LAMB3: variants seen among roughly 807,000 people sequenced by gnomAD.
LAMB3 encodes laminin subunit beta 3.
A neutral mutation model predicts 140.3 loss-of-function variants in LAMB3; 104 were observed. The ratio of observed to expected loss-of-function variants is 0.74; its 90% CI spans 0.63 to 0.87. The LOEUF (loss-of-function observed/expected upper bound fraction) is 0.87, where lower values mean the gene tolerates loss of function less well. Among genes scored for constraint, LAMB3 ranks in the 40% least tolerant of loss-of-function variants. LAMB3 has a pLI of 0.00. For missense variants in LAMB3, 1,531 were observed against 1,575.2 expected, an observed-to-expected ratio of 0.97 and a Z score of 0.47; for synonymous variants, 592 against 602.9, an observed-to-expected ratio of 0.98 and a Z score of 0.26.
chr1:209,630,293 A>G (rs1003883141), intron 9 of LAMB3, among the ~76,000 whole-genome samples: 4 of 152,128 alleles, frequency 2.6e-5, no homozygotes, highest in African/African-American at 7.2e-5. Flanking sequence ...TTCCTCATTT[A>G]TGTAAACAAA....
chr1:209,651,841 G>C (rs2076568652), intron 1 of LAMB3, among the ~76,000 whole-genome samples: 1 of 150,670 alleles, frequency 6.6e-6, no homozygotes, highest in Admixed American at 6.6e-5. Flanking sequence ...AACTCTTTTG[G>C]CTGGGGTGGA....
In LAMB3 at chr1:209,615,314, T is replaced by G; in HGVS notation, c.3476A>C (p.Asp1159Ala). The G allele has an allele frequency of 6.2e-7, 1 of 1,614,134 alleles. No homozygotes were observed. Among genetic ancestry groups the G allele is most frequent in the Non-Finnish European group, 8.5e-7 (1 of 1,180,000 alleles). Residue 1159 changes from aspartate (D) to alanine (A), a missense_variant, in exon 23 of 23, where the codon GAC becomes GCC. Asp to Ala is a moderately radical substitution (Grantham distance 126). Transcript: ENST00000356082. ...GTAGAGCACGCGCCCATTGATGTGG[T>G]CACGGATCTGCTCCACACGCTTCTC... ...GLEKRVEQIR[D>A]HINGRVLYYA... is the part of the protein sequence containing the mutation.
chr1:209,629,287 T>C (rs903888151), intron 10 of LAMB3, among the ~76,000 whole-genome samples: 1 of 152,238 alleles, frequency 6.6e-6, no homozygotes, highest in Non-Finnish European at 1.5e-5. Flanking sequence ...CTAGAGGATG[T>C]GAGAAATAAT....
rs750788587 is a variant in LAMB3 at position 209,626,923 on chromosome 1, G to T, written c.1541C>A (p.Ala514Glu). ...CCGGTCTGGACACTGGCGGATGGCT[G>T]CAGCGCTGCACATCAGGCCACCAAA... is the stretch of plus-strand genomic sequence containing the variant. ...EGFGGLMCSA[A>E]AIRQCPDRTY... is the part of the protein sequence containing the mutation. Residue 514 changes from alanine (A) to glutamate (E), a missense_variant, in exon 13 of 23, where the codon GCA becomes GAA. Transcript: ENST00000356082. 1 of 1,613,832 alleles carries T rather than the reference G, an allele frequency of 6.2e-7. No individual in the cohort carries two copies. The highest frequency in any genetic ancestry group is 2.2e-5 in the East Asian group (1 of 44,878).
intron 9 of LAMB3, among the ~76,000 whole-genome samples, 169 bp from the exon 10 acceptor site, chr1:209,630,094 T>C (rs2102429423): frequency 6.6e-6 from 1 of 152,324 alleles, no homozygotes; most frequent in South Asian, 2.1e-4. Context: ...TAAGGTTACA[T>C]GACCAATAAG....
In LAMB3 at chr1:209,622,530, G is replaced by T. The variant is rs774189639; in HGVS notation, c.2701+6C>A. 6 of 1,613,472 alleles carry T rather than the reference G, an allele frequency of 3.7e-6. No individual in the cohort carries two copies. In the East Asian group the frequency reaches 1.1e-4, roughly 30 times the overall value. On this transcript the variant is annotated splice_donor_region_variant and intron_variant, in intron 18 of 22. Coordinates refer to ENST00000356082, the MANE Select transcript of LAMB3 (RefSeq NM_000228.3). ...GCAGCCAAGGTGGGGTGGAGACTGG[G>T]CTCACCTGTTAGGAAGTCCCGGACC...
chr1:209,625,100 C>T (rs1666382226), intron 14 of LAMB3, among the ~76,000 whole-genome samples: 1 of 152,270 alleles, frequency 6.6e-6, no homozygotes, highest in South Asian at 2.1e-4. Context: ...TCTCAGGCTG[C>T]CTTTTCCTTC....
Position 209,623,748 on chromosome 1 carries a change from T to A in LAMB3, c.2138-23A>T, listed in dbSNP as rs570151664. On this transcript the variant is annotated intron_variant, in intron 15 of 22. Coordinates refer to ENST00000356082, the MANE Select transcript of LAMB3 (RefSeq NM_000228.3). This position sits in a 1 kb window ranked among gnomAD's most constrained non-coding sequence, Gnocchi z 4.2. ...CTCCTGTGGCGAGAAGCATGAGGAA[T>A]GGAGATGGAGGAGGAGCAGGAGGGA... is the stretch of plus-strand genomic sequence containing the variant. 3 of 1,613,722 alleles carry A rather than the reference T, an allele frequency of 1.9e-6. No homozygotes were observed. In the Admixed American group the frequency reaches 5.0e-5, roughly 27 times the overall value.
intron 3 of LAMB3, among the ~76,000 whole-genome samples, chr1:209,641,098 AT>A (rs1478650021): frequency 1.3e-4 from 15 of 111,650 alleles, no homozygotes; most frequent in African/African-American, 3.2e-4. Context: ...AAAAAAAAAA[AT>A]TTAAAAAAAA....
At position 209,623,764 on chromosome 1, in the gene LAMB3, G is replaced by A. The variant is rs1666306795; in HGVS notation, c.2138-39C>T. 1 of 1,613,392 alleles carries A rather than the reference G, an allele frequency of 6.2e-7. No individual in the cohort carries two copies. Among genetic ancestry groups the A allele is most frequent in the Non-Finnish European group, 8.5e-7 (1 of 1,179,504 alleles). On this transcript the variant is annotated intron_variant, in intron 15 of 22. Transcript: ENST00000356082. This position sits in a 1 kb window ranked among gnomAD's most constrained non-coding sequence, Gnocchi z 4.2. Reference sequence around the variant, plus strand: ...CATGAGGAATGGAGATGGAGGAGGAGCAGGAGGGAGAGGGGGTGGCATGCC... The same window carrying A: ...CATGAGGAATGGAGATGGAGGAGGAACAGGAGGGAGAGGGGGTGGCATGCC...
rs965895554 is a variant in LAMB3 at position 209,643,710 on chromosome 1, T to C, written c.184-5062A>G. ...AGAATAGGAAAACAGGCTCTGATTA[T>C]GCATGGCCCAGCTCCCTCCCATGAG... On this transcript the variant is annotated intron_variant, in intron 3 of 22. Transcript: ENST00000356082. Among the ~76,000 whole-genome samples, 4 of 152,066 alleles carry C rather than the reference T, an allele frequency of 2.6e-5. No individual in the cohort carries two copies. In the East Asian group the frequency reaches 7.7e-4, roughly 29 times the overall value.
intron 9 of LAMB3, 25 bp downstream of exon 9, chr1:209,630,590 G>A: frequency 1.9e-6 from 3 of 1,614,060 alleles, no homozygotes; most frequent in East Asian, 2.2e-5. Context: ...GACCCTACAG[G>A]GGAGGGGTGA....
intron 4 of LAMB3, 136 bp from the exon 5 acceptor site, chr1:209,638,117 G>T (rs1235008682): frequency 4.0e-6 from 3 of 742,258 alleles, no homozygotes; most frequent in Non-Finnish European, 7.1e-6. Flanking sequence ...TCTTGGAGAG[G>T]AGTGGGGAGT....
intron 22 of LAMB3, among the ~76,000 whole-genome samples, chr1:209,616,027 C>T (rs1247556597): frequency 6.6e-6 from 1 of 152,124 alleles, no homozygotes; most frequent in Non-Finnish European, 1.5e-5. Context: ...TTCCTCACAG[C>T]TTCTCCCAGG....
chr1:209,614,986 T>C lies in LAMB3; in HGVS notation c.*285A>G. 1 of 414,228 alleles carries C rather than the reference T, an allele frequency of 2.4e-6. No individual in the cohort carries two copies. Among genetic ancestry groups the C allele is most frequent in the Non-Finnish European group, 4.3e-6 (1 of 229,906 alleles). The allele number at this position is 414,228 out of a possible 1,614,324, so 25.7% of individuals were successfully genotyped here. ...CCAGGATTCCTCCCCAGTGGAGAAC[T>C]AAAGGCGGGGGATACTGCCCAGCCC... On this transcript the variant is annotated 3_prime_UTR_variant, in exon 23 of 23. Transcript: ENST00000356082.
At chr1:209,641,921 T>C (rs1365082488) in intron 3 of LAMB3, among the ~76,000 whole-genome samples, 2 of 152,156 alleles carry the variant, frequency 1.3e-5, no homozygotes, top group Non-Finnish European at 1.5e-5. Flanking sequence ...ACTCAGCACA[T>C]GTCCTGAGGA....
At chr1:209,639,393 G>A (rs2236894) in intron 3 of LAMB3, among the ~76,000 whole-genome samples, 1 of 151,976 alleles carries the variant, frequency 6.6e-6, no homozygotes, top group Non-Finnish European at 1.5e-5. Flanking sequence ...CATCTGGGGC[G>A]TGAGGATCTT....
chr1:209,627,707 G>C, intron 11 of LAMB3, 128 bp from the exon 12 acceptor site: 1 of 907,728 alleles, frequency 1.1e-6, no homozygotes, highest in Non-Finnish European at 1.7e-6. Flanking sequence ...CAGATGACAT[G>C]GCTGACTCAC....
chr1:209,642,239 A>G (rs537357886), intron 3 of LAMB3, among the ~76,000 whole-genome samples: 1 of 152,076 alleles, frequency 6.6e-6, no homozygotes, highest in Non-Finnish European at 1.5e-5. Flanking sequence ...TCTCAAATAT[A>G]TGTGTGTGTG....
Sources: allele counts gnomAD v4.1 joint callset (sites outside exome capture counted in the v4.1 genomes callset), GRCh38; gene constraint gnomAD v4.1.1; non-coding constraint Gnocchi (gnomAD v3.1); transcripts MANE v1.5; gene names NCBI Gene and HGNC (gene_info 2026-07-23, HGNC 2026-07-21).